Variants in FANCI observed in about 807,000 individuals in gnomAD.
FANCI encodes the protein Fanconi anemia group I protein.
Under a neutral mutation model 176.1 loss-of-function variants are expected in FANCI, and 156 were observed. That is an observed-to-expected ratio of 0.89 (90% confidence interval 0.78 to 1.01). FANCI has a LOEUF of 1.01. Ranked by LOEUF, FANCI falls within the 50% of genes least tolerant of loss-of-function variation. FANCI has a pLI of 0.00. For missense variants in FANCI, 1,678 were observed against 1,534.1 expected (o/e 1.09, Z -1.57); for synonymous variants, 613 against 541.7 (o/e 1.13, Z -1.83).
chr15:89,252,299 TAA>T (rs765131815), intron 2 of FANCI, among the ~76,000 whole-genome samples: 12 of 129,998 alleles, frequency 9.2e-5, no homozygotes, highest in Non-Finnish European at 6.6e-5. Flanking sequence ...AGATTCCATC[TAA>T]AAAAAAAAAA....
At chr15:89,315,166 G>GTGCT in intron 36 of FANCI, 116 bp from the exon 37 acceptor site, 2 of 788,016 alleles carry the variant, frequency 2.5e-6, no homozygotes, top group Admixed American at 3.5e-5. Context: ...AAGTGGGTGC[G>GTGCT]TGCTTGCTTT....
intron 2 of FANCI, among the ~76,000 whole-genome samples, chr15:89,255,214 T>G (rs1403509011): frequency 1.3e-5 from 2 of 152,184 alleles, no homozygotes; most frequent in Non-Finnish European, 2.9e-5. Context: ...AGGGCCTGTT[T>G]GGTGGTGTCT....
In FANCI at chr15:89,316,825, C is replaced by T. The variant is rs1469896894; in HGVS notation, c.*366C>T. On this transcript the variant is annotated 3_prime_UTR_variant, in exon 38 of 38. Transcript: ENST00000310775. ...ATTATCTGGTAAATATCCAGCGCTT[C>T]ACCTGAAAGATAGTGCAAATTGGTT... is the stretch of plus-strand genomic sequence containing the variant. The T allele has an allele frequency of 1.9e-6, 3 of 1,612,790 alleles. No individual in the cohort carries two copies. The highest frequency in any genetic ancestry group is 2.2e-5 in the South Asian group (2 of 91,064).
chr15:89,265,357 A>T (rs2052896169), intron 9 of FANCI, among the ~76,000 whole-genome samples: 1 of 151,744 alleles, frequency 6.6e-6, no homozygotes, highest in African/African-American at 2.4e-5. Context: ...ACAGGTGCGC[A>T]CCACTACGCC....
chr15:89,299,918 G>C lies in FANCI; in HGVS notation c.2755G>C (p.Val919Leu). 6.2e-7 allele frequency: 1 copy of C among 1,614,106 alleles called. No individual in the cohort carries two copies. The highest frequency in any genetic ancestry group is 8.5e-7 in the Non-Finnish European group (1 of 1,179,992). The change falls in exon 25 of 38, where the codon GTG becomes CTG. Residue 919 changes from valine (V) to leucine (L), a missense_variant. Val to Leu is a conservative substitution (Grantham distance 32, BLOSUM62 1). Transcript: ENST00000310775. ...GGGTTTACAGAAAATATTCAGTGCT[G>C]TGCAACAGTTCTATCAGCCCAAGAT... ...LEGLQKIFSAVQQFYQPKIQQ... is the reference protein window; with the variant it reads ...LEGLQKIFSALQQFYQPKIQQ...
intron 9 of FANCI, 26 bp downstream of exon 9, chr15:89,264,633 G>C: frequency 6.3e-7 from 1 of 1,580,330 alleles, no homozygotes; most frequent in African/African-American, 1.3e-5. Flanking sequence ...TAGAAATAAA[G>C]ATCATTTTTA....
At chr15:89,299,763 C>A (rs765253383) in intron 24 of FANCI, 37 bp from the exon 25 acceptor site, 2 of 1,603,450 alleles carry the variant, frequency 1.2e-6, no homozygotes. Flanking sequence ...CTCGGTGAAC[C>A]TGTCTTTAAA....
chr15:89,303,549 G>A (rs1365453071), intron 27 of FANCI, among the ~76,000 whole-genome samples: 1 of 152,164 alleles, frequency 6.6e-6, no homozygotes, highest in Non-Finnish European at 1.5e-5. Context: ...CTGGGGGCAT[G>A]GGAAAGAAAA....
At position 89,307,638 on chromosome 15, in the gene FANCI, C is replaced by A. The variant is rs2054776668; in HGVS notation, c.3617C>A (p.Thr1206Asn). Reference sequence around the variant, plus strand: ...GTGAAGCTGTCTGGTTCTCATCTGACCCCCCTGTGTTATTCTTTCATTTCT... The same window carrying A: ...GTGAAGCTGTCTGGTTCTCATCTGAACCCCCTGTGTTATTCTTTCATTTCT... ...KLVKLSGSHL[T>N]PLCYSFISYV... Residue 1206 changes from threonine to asparagine, a missense_variant, in exon 34 of 38, where the codon ACC (threonine) becomes AAC (asparagine). Around this residue, in one of 3 missense-constraint regions of FANCI, gnomAD observed 1,204 missense variants for 1,077.4 expected, o/e 1.12. Transcript: ENST00000310775. The A allele has an allele frequency of 1.2e-6, 2 of 1,614,110 alleles. No homozygotes were observed. Among genetic ancestry groups the A allele is most frequent in the East Asian group, 2.2e-5 (1 of 44,874 alleles).
chr15:89,274,080 GCTTT>G (rs1301835289), intron 11 of FANCI, 84 bp from the exon 12 acceptor site: 4 of 1,030,284 alleles, frequency 3.9e-6, no homozygotes, highest in Admixed American at 2.4e-5. Context: ...TATAATATTT[GCTTT>G]ATTTTCTTAT....
At chr15:89,299,130 A>G (rs952884569) in intron 24 of FANCI, among the ~76,000 whole-genome samples, 1 of 150,410 alleles carries the variant, frequency 6.6e-6, no homozygotes. Context: ...AGATCACCCC[A>G]CTGCACTCCA....
intron 9 of FANCI, among the ~76,000 whole-genome samples, chr15:89,266,994 C>T (rs62020348): frequency 0.05 from 7,649 of 151,762 alleles, 257 homozygotes; most frequent in Middle Eastern, 0.086. Context: ...AGCCAAGAGA[C>T]TGGATGGGAT....
At chr15:89,288,665 G>A (rs935488856) in intron 18 of FANCI, among the ~76,000 whole-genome samples, 2 of 149,742 alleles carry the variant, frequency 1.3e-5, no homozygotes, top group Non-Finnish European at 3.0e-5. Context: ...TGTTATCCAG[G>A]CTGGAGTGCA....
intron 3 of FANCI, among the ~76,000 whole-genome samples, chr15:89,259,930 A>G (rs1282073232): frequency 6.6e-6 from 1 of 152,182 alleles, no homozygotes; most frequent in African/African-American, 2.4e-5. Context: ...CCATTATAAT[A>G]CTACTATGAA....
chr15:89,267,203 C>T lies in FANCI; in HGVS notation c.756-1196C>T, dbSNP rs576580608. On this transcript the variant is annotated intron_variant, in intron 9 of 37. Coordinates refer to ENST00000310775, the MANE Select transcript of FANCI (RefSeq NM_001113378.2). ...GGCGCAGTGGCTCATGCCTGTAGTC[C>T]CAACTACTTGGGAGGCTGAGGCAGG... Among the ~76,000 whole-genome samples, 3 of 152,068 alleles carry T rather than the reference C, an allele frequency of 2.0e-5. No homozygotes were observed. In the South Asian group the frequency reaches 6.2e-4, roughly 32 times the overall value.
At chr15:89,289,695 C>G (rs1026523685) in intron 18 of FANCI, among the ~76,000 whole-genome samples, 1 of 151,916 alleles carries the variant, frequency 6.6e-6, no homozygotes, top group African/African-American at 2.4e-5. Context: ...TTTCCAGGTT[C>G]CAGAATGAAA....
At chr15:89,309,634 G>A (rs1002980236) in intron 34 of FANCI, among the ~76,000 whole-genome samples, 3 of 152,144 alleles carry the variant, frequency 2.0e-5, no homozygotes, top group Admixed American at 2.0e-4. Flanking sequence ...GAGGCAGGAA[G>A]ATCACTTGAG....
chr15:89,316,296 A>T (rs1473731535), intron 37 of FANCI, 101 bp from the exon 38 acceptor site: 1 of 1,203,700 alleles, frequency 8.3e-7, no homozygotes, highest in African/African-American at 1.5e-5. Flanking sequence ...TGACTAACAA[A>T]GGCTTTGATG....
At chr15:89,294,399 G>T (rs1456340236) in intron 23 of FANCI, among the ~76,000 whole-genome samples, 1 of 152,060 alleles carries the variant, frequency 6.6e-6, no homozygotes. Context: ...AGCCATGACC[G>T]ATATGGTGCG....
Sources: gnomAD v4.1 joint callset for allele counts (sites outside exome capture counted in the v4.1 genomes callset) on GRCh38, gnomAD v4.1.1 for gene constraint, gnomAD v4.1.1 regional missense constraint, MANE v1.5 for transcripts, NCBI Gene and HGNC (gene_info 2026-07-23, HGNC 2026-07-21) for gene names.